Variants in CFAP47 observed in about 807,000 individuals in gnomAD.
CFAP47 encodes cilia and flagella associated protein 47.
Under a neutral mutation model 148.1 loss-of-function variants are expected in CFAP47, and 29 were observed. That is an observed-to-expected ratio of 0.20 (90% CI 0.15 to 0.27). CFAP47 has a LOEUF of 0.27. Among genes scored for constraint, CFAP47 ranks in the 10% least tolerant of loss-of-function variants. The pLI, the probability that CFAP47 is intolerant of heterozygous loss-of-function variation, is 1.00. For synonymous variants in CFAP47, 664 were observed against 577.3 expected, an observed-to-expected ratio of 1.15 and a Z score of -2.15; for missense variants, 1,872 against 1,697.5, an observed-to-expected ratio of 1.10 and a Z score of -1.81.
chrX:36,303,390 G>C (rs1238088904), intron 53 of CFAP47, among the ~76,000 whole-genome samples: 1 of 110,559 alleles, frequency 9.0e-6, no homozygotes, highest in Admixed American at 9.7e-5. Flanking sequence ...TTACTGTATT[G>C]CTCAGGCTTG....
At chrX:36,217,709 T>A (rs1555990317) in intron 45 of CFAP47, among the ~76,000 whole-genome samples, 2 of 112,050 alleles carry the variant, frequency 1.8e-5, no homozygotes, top group Non-Finnish European at 3.8e-5. Flanking sequence ...ACAATGAGAT[T>A]TGATTGTGTT....
intron 2 of CFAP47, among the ~76,000 whole-genome samples, chrX:35,931,162 T>C (rs1201151166): frequency 9.0e-6 from 1 of 111,178 alleles, no homozygotes; most frequent in South Asian, 3.7e-4. Context: ...TTTTAAAGTT[T>C]CTCTTTGACT....
chrX:36,336,244 GACACACACACACACACACACACACACAC>G (rs781925226), intron 57 of CFAP47, among the ~76,000 whole-genome samples: 1 of 65,708 alleles, frequency 1.5e-5, no homozygotes, highest in African/African-American at 5.6e-5. Flanking sequence ...CAGACACACA[GACACACACACACACACACACACACACAC>G]ACACACACAC....
rs1417754654 is a variant in CFAP47 at position 36,248,139 on chromosome X, ATATAT to A, written c.7333-3189_7333-3185del. Among the ~76,000 whole-genome samples the A allele has an allele frequency of 2.8e-5, 3 of 106,769 alleles. No homozygotes were observed. In the East Asian group the frequency reaches 8.6e-4, roughly 31 times the overall value. 92.7% of individuals were successfully genotyped at this position (106,769 alleles called of 115,157 possible). A position where few individuals can be genotyped will look rare whatever the true frequency, so the allele number is the denominator to read the frequency against. ...TATGTATGTGTGTATATATATTATC[ATATAT>A]TATACACATATCATATATGTATTAT... is the stretch of plus-strand genomic sequence containing the variant. On this transcript the variant is annotated intron_variant, in intron 48 of 63. Transcript: ENST00000378653.
At chrX:35,942,268 A>G (rs1382810815) in intron 3 of CFAP47, among the ~76,000 whole-genome samples, 1 of 111,379 alleles carries the variant, frequency 9.0e-6, no homozygotes, top group African/African-American at 3.3e-5. Flanking sequence ...CTTCTATTCC[A>G]CTAACTGAGA....
intron 21 of CFAP47, among the ~76,000 whole-genome samples, chrX:36,013,342 C>T (rs920327173): frequency 9.8e-5 from 11 of 111,967 alleles, no homozygotes; most frequent in African/African-American, 3.2e-4. Context: ...CCGATATTGT[C>T]AGTCCATTTC....
intron 4 of CFAP47, among the ~76,000 whole-genome samples, chrX:35,950,515 G>A (rs913641591): frequency 2.7e-5 from 3 of 110,873 alleles, no homozygotes; most frequent in African/African-American, 9.9e-5. Flanking sequence ...TAAGGTGTGT[G>A]TCACCATCCC....
At chrX:36,039,250 A>C in intron 25 of CFAP47, 71 bp downstream of exon 25, 1 of 450,280 alleles carries the variant, frequency 2.2e-6, no homozygotes, top group Non-Finnish European at 3.4e-6. Flanking sequence ...TTATATAAGA[A>C]TTATATAAGA....
chrX:36,356,752 C>T (rs782459365), intron 60 of CFAP47, among the ~76,000 whole-genome samples: 1 of 111,386 alleles, frequency 9.0e-6, no homozygotes, highest in Non-Finnish European at 1.9e-5. Flanking sequence ...TTCCTGTTGT[C>T]TCCTAAGTCC....
At chrX:35,943,961 G>A (rs1439261142) in intron 3 of CFAP47, among the ~76,000 whole-genome samples, 1 of 111,216 alleles carries the variant, frequency 9.0e-6, no homozygotes, top group Non-Finnish European at 1.9e-5. Context: ...ACATAGAACA[G>A]TTTCTCAAAT....
chrX:36,030,505 A>G lies in CFAP47; in HGVS notation c.3557-748A>G, dbSNP rs143323666. ...GGTTTTGGGAGTAACACAAGGATGA[A>G]CACTATCCATAACTTTCTCCTATCC... On this transcript the variant is annotated intron_variant, in intron 22 of 63. Transcript: ENST00000378653. 5.4e-3 allele frequency among the ~76,000 whole-genome samples: 598 copies of G among 111,076 alleles called. 6 individuals carry two copies. The highest frequency in any genetic ancestry group is 0.019 in the African/African-American group (573 of 30,763).
At chrX:36,143,163 C>T (rs1939173148) in intron 35 of CFAP47, among the ~76,000 whole-genome samples, 1 of 112,486 alleles carries the variant, frequency 8.9e-6, no homozygotes. Context: ...ATTATACTCA[C>T]AGTTAGCTTT....
chrX:36,028,654 A>G (rs1937248054), intron 22 of CFAP47, among the ~76,000 whole-genome samples: 1 of 111,133 alleles, frequency 9.0e-6, no homozygotes, highest in Non-Finnish European at 1.9e-5. Flanking sequence ...ATCCTCAGCT[A>G]GATTATTGTT....
intron 45 of CFAP47, among the ~76,000 whole-genome samples, chrX:36,209,563 A>C (rs995868307): frequency 4.5e-5 from 5 of 111,036 alleles, no homozygotes; most frequent in African/African-American, 1.6e-4. Flanking sequence ...ATGTAAATTT[A>C]ATTATAAATA....
intron 29 of CFAP47, 22 bp from the exon 30 acceptor site, chrX:36,085,286 TTTTTAA>T: frequency 1.0e-6 from 1 of 978,031 alleles, no homozygotes. Context: ...TTTGAGACTG[TTTTTAA>T]TTTTAAGTCT....
rs377166682 is a variant in CFAP47 at position 36,075,670 on chromosome X, C to T, written c.4691+2306C>T. Among the ~76,000 whole-genome samples, 9 of 111,919 alleles carry T rather than the reference C, an allele frequency of 8.0e-5. No individual in the cohort carries two copies. In the South Asian group the frequency reaches 1.5e-3, roughly 18 times the overall value. The stretch of plus-strand genomic sequence containing the variant: ...AAGAGCACAGTACACAACAGTTTTT[C>T]GACACTTGTTTCCTTCCCTCATGTC... On this transcript the variant is annotated intron_variant, in intron 29 of 63. Coordinates refer to ENST00000378653, the MANE Select transcript of CFAP47 (RefSeq NM_001304548.2).
At chrX:36,361,725 T>G (rs1556019295) in intron 61 of CFAP47, among the ~76,000 whole-genome samples, 2 of 111,613 alleles carry the variant, frequency 1.8e-5, no homozygotes, top group Non-Finnish European at 3.8e-5. Flanking sequence ...AATTATGACT[T>G]CCCTAAGGTC....
At chrX:36,004,930 T>C (rs1936963719) in intron 21 of CFAP47, among the ~76,000 whole-genome samples, 1 of 111,879 alleles carries the variant, frequency 8.9e-6, no homozygotes, top group African/African-American at 3.2e-5. Flanking sequence ...GTTATAGGTC[T>C]GTATTTATAA....
chrX:36,001,599 T>C lies in CFAP47; in HGVS notation c.3323-14T>C, dbSNP rs190707153. 84 of 293,108 alleles carry C rather than the reference T, an allele frequency of 2.9e-4. 1 individual carries two copies. The highest frequency in any genetic ancestry group is 1.8e-3 in the Admixed American group (29 of 16,085). 24.2% of individuals were successfully genotyped at this position (293,108 alleles called of 1,213,427 possible). A position where few individuals can be genotyped will look rare whatever the true frequency, so the allele number is the denominator to read the frequency against. ...TGATTGTTATGAATATGTGTACTTT[T>C]TCACCTCTTACAGAAGAATTTAAAG... On this transcript the variant is annotated splice_polypyrimidine_tract_variant and intron_variant, in intron 20 of 63. Transcript: ENST00000378653.
Sources: gnomAD v4.1 joint callset for allele counts (sites outside exome capture counted in the v4.1 genomes callset) on GRCh38, gnomAD v4.1.1 for gene constraint, MANE v1.5 for transcripts, NCBI Gene and HGNC (gene_info 2026-07-23, HGNC 2026-07-21) for gene names.